The following FERRY3 variants were observed in gnomAD, a reference collection of about 807,000 sequenced individuals.
FERRY3 encodes protein C12orf4.
chr12:4,527,759 A>AAAT, the FERRY3 span, among the ~76,000 whole-genome samples: 5 of 152,186 alleles, frequency 3.3e-5, no homozygotes, highest in East Asian at 9.6e-4. Flanking sequence ...GGTTAAAAAT[A>AAAT]AATTACAAAA....
chr12:4,521,363 G>C, the FERRY3 span, among the ~76,000 whole-genome samples: 1 of 152,092 alleles, frequency 6.6e-6, no homozygotes, highest in African/African-American at 2.4e-5. Flanking sequence ...GAAAGACTCT[G>C]TCTCGGGGCC....
At chr12:4,499,792 A>T in the FERRY3 span, among the ~76,000 whole-genome samples, 1 of 152,190 alleles carries the variant, frequency 6.6e-6, no homozygotes, top group African/African-American at 2.4e-5. Flanking sequence ...GCCAAAAAGA[A>T]GAAAGAGGGG....
At chr12:4,505,181 G>A in the FERRY3 span, 1 of 671,546 alleles carries the variant, frequency 1.5e-6, no homozygotes, top group Non-Finnish European at 2.6e-6. Context: ...ACAAAGTGTT[G>A]TTTCAAAGTG....
chr12:4,503,913 C>A, the FERRY3 span, among the ~76,000 whole-genome samples: 3 of 152,020 alleles, frequency 2.0e-5, no homozygotes, highest in African/African-American at 7.2e-5. Context: ...ATAAGATTGG[C>A]AAATTTTAAG....
At chr12:4,496,261 T>C in the FERRY3 span, among the ~76,000 whole-genome samples, 12 of 152,332 alleles carry the variant, frequency 7.9e-5, no homozygotes, top group Middle Eastern at 3.4e-3. Context: ...GCTTTAGAAT[T>C]CAATAAGGTC....
chr12:4,503,436 T>G, the FERRY3 span, among the ~76,000 whole-genome samples: 3 of 152,198 alleles, frequency 2.0e-5, no homozygotes, highest in Non-Finnish European at 2.9e-5. Context: ...TGACATAAAC[T>G]GTAAATACTT....
At chr12:4,530,083 T>C in the FERRY3 span, 5 of 1,568,536 alleles carry the variant, frequency 3.2e-6, no homozygotes, top group East Asian at 4.5e-5. Context: ...TCTTAAATCA[T>C]GATCTAGTAT....
the FERRY3 span, among the ~76,000 whole-genome samples, chr12:4,507,059 C>T: frequency 1.6e-4 from 24 of 152,228 alleles, no homozygotes; most frequent in East Asian, 1.9e-4. Context: ...CTGCCTTAGC[C>T]GTATGTGGTT....
the FERRY3 span, among the ~76,000 whole-genome samples, chr12:4,533,409 T>TAA: frequency 6.6e-6 from 1 of 152,180 alleles, no homozygotes; most frequent in African/African-American, 2.4e-5. Context: ...CCCACATGCT[T>TAA]AGAGTCAGTG....
chr12:4,534,430 C>A, the FERRY3 span: 1 of 1,030,206 alleles, frequency 9.7e-7, no homozygotes. Flanking sequence ...GAGATGGGGT[C>A]TCTCTCTCTG....
chr12:4,504,360 A>G, the FERRY3 span, among the ~76,000 whole-genome samples: 2 of 152,208 alleles, frequency 1.3e-5, no homozygotes, highest in Non-Finnish European at 2.9e-5. Flanking sequence ...AAAAAATTGT[A>G]TAAAGTGTAC....
At chr12:4,501,122 A>G in the FERRY3 span, among the ~76,000 whole-genome samples, 1 of 152,090 alleles carries the variant, frequency 6.6e-6, no homozygotes, top group Non-Finnish European at 1.5e-5. Context: ...CCCATCCACA[A>G]TCCAATCTAC....
the FERRY3 span, among the ~76,000 whole-genome samples, chr12:4,536,477 A>C: frequency 6.6e-6 from 1 of 152,302 alleles, no homozygotes; most frequent in East Asian, 1.9e-4. Context: ...TTATATTCCA[A>C]GGCAGGGTTC....
At chr12:4,513,964 AAAATGGGAG>A in the FERRY3 span, among the ~76,000 whole-genome samples, 1 of 151,692 alleles carries the variant, frequency 6.6e-6, no homozygotes, top group African/African-American at 2.4e-5. Context: ...GGCAACCTAC[AAAATGGGAG>A]AAAATTTTCA....
At chr12:4,519,819 G>A in the FERRY3 span, among the ~76,000 whole-genome samples, 183 of 152,312 alleles carry the variant, frequency 1.2e-3, no homozygotes, top group African/African-American at 4.2e-3. The surrounding 1 kb of genome is among the most constrained non-coding windows in gnomAD (Gnocchi z 4.3). Context: ...GCAAGCGATC[G>A]AGGTTGTGTG....
the FERRY3 span, chr12:4,525,528 G>C: frequency 6.8e-6 from 11 of 1,612,990 alleles, no homozygotes; most frequent in Non-Finnish European, 9.3e-6. Context: ...TTTACATCTT[G>C]ATCTGTCAGT....
chr12:4,516,768 G>A, the FERRY3 span, among the ~76,000 whole-genome samples: 30 of 152,088 alleles, frequency 2.0e-4, no homozygotes, highest in Admixed American at 1.8e-3. Context: ...ATACCTAGGC[G>A]ATGGGTTGAT....
chr12:4,498,091 C>A, the FERRY3 span, among the ~76,000 whole-genome samples: 1 of 152,200 alleles, frequency 6.6e-6, no homozygotes, highest in East Asian at 1.9e-4. Flanking sequence ...ACTTAATGTT[C>A]TGCAGCTGGC....
the FERRY3 span, chr12:4,500,436 T>C: frequency 9.5e-7 from 1 of 1,056,808 alleles, no homozygotes. Flanking sequence ...AATCAATGTG[T>C]TGAACTAGTA....
Sources: allele counts gnomAD v4.1 joint callset (sites outside exome capture counted in the v4.1 genomes callset), GRCh38; gene constraint gnomAD v4.1.1; non-coding constraint Gnocchi (gnomAD v3.1); transcripts MANE v1.5; gene names NCBI Gene and HGNC (gene_info 2026-07-23, HGNC 2026-07-21).